CDYL: variants seen among roughly 807,000 people sequenced by gnomAD.
CDYL encodes chromodomain Y-like protein.
In CDYL, 8 loss-of-function variants were observed where a neutral mutation model predicts 47.3. The ratio of observed to expected loss-of-function variants is 0.17; its 90% CI spans 0.10 to 0.31. The LOEUF is 0.31. Among genes scored for constraint, CDYL ranks in the 10% least tolerant of loss-of-function variants. The pLI is 1.00. For synonymous variants in CDYL, 266 were observed against 265.0 expected (o/e 1.00, Z -0.04); for missense variants, 471 against 701.4 (o/e 0.67, Z 3.71).
intron 4 of CDYL, 86 bp from the exon 5 acceptor site, chr6:4,943,460 C>A: frequency 1.0e-6 from 1 of 957,402 alleles, no homozygotes; most frequent in Non-Finnish European, 1.6e-6. Context: ...GCATTTACAT[C>A]TTGGTAAATT....
intron 2 of CDYL, among the ~76,000 whole-genome samples, chr6:4,900,795 A>C (rs932146932): frequency 1.8e-4 from 11 of 59,958 alleles, no homozygotes; most frequent in African/African-American, 7.1e-4. Flanking sequence ...ATATATATAT[A>C]TATATATATA....
chr6:4,726,040 C>G (rs577831038), intron 2 of CDYL, among the ~76,000 whole-genome samples: 1 of 152,288 alleles, frequency 6.6e-6, no homozygotes, highest in African/African-American at 2.4e-5. Flanking sequence ...CACAGGAAAT[C>G]ATCACGAATG....
chr6:4,748,530 G>A (rs150991519), intron 3 of CDYL, among the ~76,000 whole-genome samples: 1 of 152,102 alleles, frequency 6.6e-6, no homozygotes, highest in East Asian at 1.9e-4. Flanking sequence ...GATGGCATTG[G>A]GAGATTCCAG....
chr6:4,812,610 C>T (rs1759561797), intron 1 of CDYL, among the ~76,000 whole-genome samples: 1 of 152,162 alleles, frequency 6.6e-6, no homozygotes, highest in Admixed American at 6.5e-5. Flanking sequence ...GCCTATCCCT[C>T]CCCTTTGCTG....
At chr6:4,903,147 C>A (rs1757119983) in intron 2 of CDYL, among the ~76,000 whole-genome samples, 2 of 152,138 alleles carry the variant, frequency 1.3e-5, no homozygotes, top group African/African-American at 4.8e-5. Flanking sequence ...GGACAAATTA[C>A]CAAGGCACCA....
At chr6:4,776,205 C>T (rs1292321048), upstream of CDYL, among the ~76,000 whole-genome samples, 1 of 142,274 alleles carries the variant, frequency 7.0e-6, no homozygotes, top group Non-Finnish European at 1.6e-5. Flanking sequence ...CGCTCCTCCC[C>T]TTCCTGCCGG....
In CDYL at chr6:4,776,670, C is replaced by G. The variant is rs1758460840; in HGVS notation, c.-114C>G. The G allele has an allele frequency of 3.1e-6, 3 of 963,126 alleles. No homozygotes were observed. The highest frequency in any genetic ancestry group is 4.1e-6 in the Non-Finnish European group (3 of 732,370). The allele number at this position is 963,126 out of a possible 1,614,324, so 59.7% of individuals were successfully genotyped here. On this transcript the variant is annotated 5_prime_UTR_variant, in exon 1 of 7. Coordinates refer to ENST00000397588, the MANE Select transcript of CDYL (RefSeq NM_004824.4). ...CGTCCGTGCCCAGCGCCCGGCCGGC[C>G]GCGGGAGCAGGAAGCGCAGGCCACG...
chr6:4,866,382 G>A (rs1002328026), intron 1 of CDYL, among the ~76,000 whole-genome samples: 28 of 152,182 alleles, frequency 1.8e-4, no homozygotes, highest in African/African-American at 6.7e-4. Context: ...AGTTTATCAA[G>A]TAGAAGAAAG....
At chr6:4,842,192 AAATAATATAAAT>A (rs1256538373) in intron 1 of CDYL, among the ~76,000 whole-genome samples, 1 of 143,910 alleles carries the variant, frequency 6.9e-6, no homozygotes, top group African/African-American at 2.6e-5. Context: ...TTATTAATAT[AAATAATATAAAT>A]AATAATATAT....
intron 1 of CDYL, among the ~76,000 whole-genome samples, chr6:4,845,963 A>G (rs1003519362): frequency 2.0e-5 from 3 of 152,288 alleles, no homozygotes; most frequent in South Asian, 2.1e-4. Context: ...ATTGCCTGTA[A>G]AGTTCTTCCA....
intron 2 of CDYL, among the ~76,000 whole-genome samples, chr6:4,908,288 C>T (rs1002807014): frequency 1.3e-5 from 2 of 152,012 alleles, no homozygotes; most frequent in Non-Finnish European, 2.9e-5. Context: ...GGAAAGGGTC[C>T]GGAACCGGGC....
At chr6:4,855,007 C>T (rs1760964125) in intron 1 of CDYL, among the ~76,000 whole-genome samples, 1 of 152,166 alleles carries the variant, frequency 6.6e-6, no homozygotes, top group South Asian at 2.1e-4. Flanking sequence ...TCAATATGAG[C>T]TTTCTTATCA....
intron 1 of CDYL, chr6:4,836,379 A>T (rs1329365162): frequency 7.0e-6 from 3 of 431,168 alleles, no homozygotes; most frequent in South Asian, 9.8e-5. Flanking sequence ...TGGGATTTTA[A>T]ACCAGTGTGA....
At chr6:4,725,198 T>C (rs937961481) in intron 2 of CDYL, among the ~76,000 whole-genome samples, 2 of 152,242 alleles carry the variant, frequency 1.3e-5, no homozygotes, top group African/African-American at 4.8e-5. Context: ...TTGGTGTATT[T>C]ACAATCCCTT....
intron 1 of CDYL, among the ~76,000 whole-genome samples, chr6:4,815,303 G>T (rs1174318818): frequency 6.6e-6 from 1 of 152,120 alleles, no homozygotes; most frequent in African/African-American, 2.4e-5. Context: ...TATAAATATA[G>T]CTATAAGCCT....
chr6:4,919,609 G>A (rs994916926), intron 2 of CDYL, among the ~76,000 whole-genome samples: 1 of 152,130 alleles, frequency 6.6e-6, no homozygotes, highest in African/African-American at 2.4e-5. Context: ...GAGTTTTCAG[G>A]TTAGAGTTAC....
intron 2 of CDYL, among the ~76,000 whole-genome samples, chr6:4,721,625 C>G (rs1433829980): frequency 1.3e-5 from 2 of 152,126 alleles, no homozygotes; most frequent in African/African-American, 4.8e-5. Flanking sequence ...AACTGACCCA[C>G]CCACCTCAGC....
At chr6:4,892,998 G>A (rs1320394544) in intron 2 of CDYL, among the ~76,000 whole-genome samples, 1 of 152,220 alleles carries the variant, frequency 6.6e-6, no homozygotes, top group African/African-American at 2.4e-5. Flanking sequence ...CCTTGGTTGT[G>A]CCATGACCTG....
At chr6:4,863,301 T>A (rs1390812699) in intron 1 of CDYL, among the ~76,000 whole-genome samples, 1 of 152,164 alleles carries the variant, frequency 6.6e-6, no homozygotes, top group African/African-American at 2.4e-5. Context: ...AACCCCAGCT[T>A]TATATATTAT....
Sources: gnomAD v4.1 joint callset for allele counts (sites outside exome capture counted in the v4.1 genomes callset) on GRCh38, gnomAD v4.1.1 for gene constraint, MANE v1.5 for transcripts, NCBI Gene and HGNC (gene_info 2026-07-23, HGNC 2026-07-21) for gene names.